USP47: variants seen among roughly 807,000 people sequenced by gnomAD.
USP47 encodes ubiquitin carboxyl-terminal hydrolase 47.
USP47 carries 35 observed loss-of-function variants against 165.1 expected under a neutral mutation model. That is an observed-to-expected ratio of 0.21 (90% confidence interval 0.16 to 0.28). The LOEUF (loss-of-function observed/expected upper bound fraction) is 0.28. Among genes scored for constraint, USP47 ranks in the 10% least tolerant of loss-of-function variants. USP47 has a pLI of 1.00. For missense variants in USP47, 1,277 were observed against 1,607.4 expected (o/e 0.79, Z 3.52); for synonymous variants, 531 against 544.5 (o/e 0.98, Z 0.35).
chr11:11,857,325 CTATT>C (rs1225507472), intron 1 of USP47, among the ~76,000 whole-genome samples: 23 of 151,998 alleles, frequency 1.5e-4, no homozygotes, highest in Non-Finnish European at 2.6e-4. Flanking sequence ...TATTTTATAT[CTATT>C]TATAGTACTT....
intron 5 of USP47, among the ~76,000 whole-genome samples, chr11:11,900,450 G>A (rs758778608): frequency 4.6e-5 from 7 of 152,118 alleles, no homozygotes; most frequent in South Asian, 2.1e-4. Flanking sequence ...GTGAGCCACC[G>A]CGCCCGGCCT....
rs1445933772 is a variant in USP47, at chr11:11,957,988, C to T, written c.*1813C>T. 1 of 152,220 alleles carries T rather than the reference C, an allele frequency of 6.6e-6. No individual in the cohort carries two copies. Among genetic ancestry groups the T allele is most frequent in the Admixed American group, 6.5e-5 (1 of 15,286 alleles). 9.4% of individuals were successfully genotyped at this position (152,220 alleles called of 1,614,324 possible). A position where few individuals can be genotyped will look rare whatever the true frequency, so the allele number is the denominator to read the frequency against. On this transcript the variant is annotated 3_prime_UTR_variant, in exon 28 of 28. Transcript: ENST00000527733. ...GATGTTCTCAGAAGAAAATTGGAAA[C>T]ACTTGTGATGAATTGTCTTTCAGAT...
intron 2 of USP47, among the ~76,000 whole-genome samples, chr11:11,881,011 G>A (rs1457074908): frequency 6.6e-6 from 1 of 152,078 alleles, no homozygotes; most frequent in East Asian, 1.9e-4. Context: ...TTAGTCGTCT[G>A]TTAACTGTTT....
chr11:11,851,306 C>T (rs1259696343), intron 1 of USP47, among the ~76,000 whole-genome samples: 1 of 152,166 alleles, frequency 6.6e-6, no homozygotes, highest in Non-Finnish European at 1.5e-5. Context: ...TATATGCTCT[C>T]TAGAGATTGT....
At chr11:11,863,448 T>C (rs1849494772) in intron 1 of USP47, among the ~76,000 whole-genome samples, 1 of 152,204 alleles carries the variant, frequency 6.6e-6, no homozygotes, top group Non-Finnish European at 1.5e-5. Flanking sequence ...AAAAATATGA[T>C]CAGACTTGTC....
intron 1 of USP47, among the ~76,000 whole-genome samples, chr11:11,852,442 G>A (rs1590223865): frequency 6.6e-6 from 1 of 152,090 alleles, no homozygotes. Context: ...GTGGGCTTCT[G>A]TGCTCATCCT....
chr11:11,956,088 A>G lies in USP47; in HGVS notation c.3981A>G (p.Gly1327=), dbSNP rs569506032. The G allele has an allele frequency of 3.1e-6, 5 of 1,611,928 alleles. No homozygotes were observed. In the African/African-American group the frequency reaches 4.0e-5, roughly 13 times the overall value. ...KKESSRLQKT[G]HRVTYSPRKE... ...AAAGCAGTCGACTCCAGAAGACTGG[A>G]CATCGTGTAACATACTCACCTCGTA... Residue 1327 remains glycine (G), a synonymous_variant, in exon 28 of 28, where the codon GGA becomes GGG. Coordinates refer to ENST00000527733, the MANE Select transcript of USP47 (RefSeq NM_001282659.2).
intron 22 of USP47, 74 bp downstream of exon 22, chr11:11,948,632 T>A: frequency 7.2e-7 from 1 of 1,393,764 alleles, no homozygotes; most frequent in Non-Finnish European, 9.9e-7. Context: ...ATTTTATTCA[T>A]AGTCATTTTA....
rs571083016 is a variant in USP47, at chr11:11,868,661, A to G, written c.40-11516A>G. ...TCTGTGATAAATGTTGAAAAGTGCA[A>G]TTTCTAAGTTGTATGGTAATTGTAT... On this transcript the variant is annotated intron_variant, in intron 1 of 27. Transcript: ENST00000527733. Among the ~76,000 whole-genome samples the G allele has an allele frequency of 4.6e-5, 7 of 151,770 alleles. No homozygotes were observed. The South Asian group carries it at 8.3e-4, about 18-fold the overall frequency.
chr11:11,864,932 G>A (rs1330318576), intron 1 of USP47, among the ~76,000 whole-genome samples: 1 of 152,000 alleles, frequency 6.6e-6, no homozygotes, highest in Non-Finnish European at 1.5e-5. Flanking sequence ...ATGTAATTCT[G>A]GGTTGACAGC....
intron 1 of USP47, among the ~76,000 whole-genome samples, chr11:11,875,795 G>GT (rs1384405824): frequency 6.6e-6 from 1 of 152,190 alleles, no homozygotes; most frequent in African/African-American, 2.4e-5. Flanking sequence ...TAGAGACAGG[G>GT]TTTTGCCCTG....
rs557346637 is a variant in USP47, at chr11:11,872,119, C to T, written c.40-8058C>T. Among the ~76,000 whole-genome samples the T allele has an allele frequency of 9.2e-5, 14 of 152,186 alleles. No homozygotes were observed. The South Asian group carries it at 1.0e-3, about 11-fold the overall frequency. On this transcript the variant is annotated intron_variant, in intron 1 of 27. Transcript: ENST00000527733. ...TTGTTTCTGCTCTGCTAGGCATCAG[C>T]TGGGGGCAGCAGAAAGGCTAGGGGC...
chr11:11,874,115 A>G (rs1227869522), intron 1 of USP47, among the ~76,000 whole-genome samples: 3 of 152,226 alleles, frequency 2.0e-5, no homozygotes, highest in Non-Finnish European at 4.4e-5. Flanking sequence ...TGGGTATGAT[A>G]GTTGCCTATT....
At chr11:11,902,561 A>G (rs1274638849) in intron 5 of USP47, among the ~76,000 whole-genome samples, 154 bp from the exon 6 acceptor site, 3 of 152,136 alleles carry the variant, frequency 2.0e-5, no homozygotes, top group Non-Finnish European at 2.9e-5. Context: ...GGGAAACACT[A>G]ATGTTTCATT....
intron 16 of USP47, among the ~76,000 whole-genome samples, chr11:11,934,721 A>G (rs1040684000): frequency 1.3e-5 from 2 of 152,184 alleles, no homozygotes; most frequent in Non-Finnish European, 2.9e-5. Flanking sequence ...TTGTTCTCTA[A>G]GAGTAGTGGA....
chr11:11,957,808 G>T lies in USP47; in HGVS notation c.*1633G>T, dbSNP rs1333569672. 2 of 151,488 alleles carry T rather than the reference G, an allele frequency of 1.3e-5. No homozygotes were observed. Among genetic ancestry groups the T allele is most frequent in the East Asian group, 3.9e-4 (2 of 5,146 alleles). The allele number at this position is 151,488 out of a possible 1,614,324, so 9.4% of individuals were successfully genotyped here. A position where few individuals can be genotyped will look rare whatever the true frequency, so the allele number is the denominator to read the frequency against. On this transcript the variant is annotated 3_prime_UTR_variant, in exon 28 of 28. Transcript: ENST00000527733. ...GCTCTGCCATTTGAATATAATCACC[G>T]AGAATTCCATGTCTTAAAAGTCTCC...
intron 5 of USP47, among the ~76,000 whole-genome samples, chr11:11,899,152 G>T (rs77593554): frequency 0.017 from 2,540 of 152,160 alleles, 66 homozygotes; most frequent in African/African-American, 0.058. Flanking sequence ...CCAGAGTTTT[G>T]TCAGAGTACT....
chr11:11,877,813 G>A (rs1009961535), intron 1 of USP47, among the ~76,000 whole-genome samples: 1 of 17,554 alleles, frequency 5.7e-5, no homozygotes, highest in African/African-American at 3.3e-4. Flanking sequence ...CTCTGTGTGT[G>A]TGTGTGTGTG....
intron 4 of USP47, among the ~76,000 whole-genome samples, chr11:11,892,355 A>C (rs993772595): frequency 1.3e-5 from 2 of 150,736 alleles, no homozygotes; most frequent in African/African-American, 4.9e-5. Flanking sequence ...TTTTTAAGGA[A>C]GACTTTTCTT....
Sources: allele counts gnomAD v4.1 joint callset (sites outside exome capture counted in the v4.1 genomes callset), GRCh38; gene constraint gnomAD v4.1.1; transcripts MANE v1.5; gene names NCBI Gene and HGNC (gene_info 2026-07-23, HGNC 2026-07-21).